The following NLRP14 variants were observed in gnomAD, a reference collection of about 807,000 sequenced individuals.
NLRP14 encodes the protein NACHT, LRR and PYD domains-containing protein 14.
NLRP14 carries 105 observed loss-of-function variants against 94.7 expected under a neutral mutation model. The observed-to-expected ratio is 1.11, with a 90% CI of 0.95 to 1.30. NLRP14 has a LOEUF of 1.30. Ranked by LOEUF, NLRP14 falls within the 50% of genes most tolerant of loss-of-function variation. NLRP14 has a pLI of 0.00. For synonymous variants in NLRP14, 508 were observed against 459.9 expected, an observed-to-expected ratio of 1.10 and a Z score of -1.34; for missense variants, 1,362 against 1,254.1, an observed-to-expected ratio of 1.09 and a Z score of -1.30.
chr11:7,088,571 T>C, the NLRP14 span, among the ~76,000 whole-genome samples: 5 of 152,112 alleles, frequency 3.3e-5, no homozygotes, highest in Non-Finnish European at 2.9e-5. Context: ...AAACAGAGGA[T>C]AGACGAGGCT....
intron 1 of NLRP14, among the ~76,000 whole-genome samples, chr11:7,025,553 C>A (rs1852002594): frequency 6.6e-6 from 1 of 152,080 alleles, no homozygotes; most frequent in African/African-American, 2.4e-5. Flanking sequence ...AATTATTAGT[C>A]ATTATGCTAA....
chr11:7,047,433 A>G (rs970836824), intron 5 of NLRP14, among the ~76,000 whole-genome samples: 3 of 151,820 alleles, frequency 2.0e-5, no homozygotes, highest in African/African-American at 7.3e-5. Context: ...CCTCCCAAGT[A>G]GCTGGGATTA....
intron 3 of NLRP14, among the ~76,000 whole-genome samples, chr11:7,040,333 G>A (rs2119606003): frequency 6.6e-6 from 1 of 152,308 alleles, no homozygotes; most frequent in African/African-American, 2.4e-5. Flanking sequence ...TTCGCCTCCT[G>A]TCAGATCAGC....
intron 1 of NLRP14, among the ~76,000 whole-genome samples, chr11:7,032,177 A>C (rs1767070905): frequency 6.6e-6 from 1 of 152,152 alleles, no homozygotes; most frequent in Non-Finnish European, 1.5e-5. Context: ...TCCTAAACTC[A>C]GTTGTGTTTT....
chr11:7,061,872 C>A (rs1426019242), intron 9 of NLRP14, among the ~76,000 whole-genome samples: 1 of 151,886 alleles, frequency 6.6e-6, no homozygotes, highest in Non-Finnish European at 1.5e-5. Flanking sequence ...AAGCTTGAGG[C>A]CAGATTGTGA....
At chr11:7,047,759 T>TC (rs1852378926) in intron 5 of NLRP14, among the ~76,000 whole-genome samples, 2 of 87,506 alleles carry the variant, frequency 2.3e-5, no homozygotes, top group Admixed American at 2.3e-4. Context: ...TTTCTCTTTC[T>TC]TTTCTTTTCT....
intron 5 of NLRP14, 63 bp downstream of exon 5, chr11:7,046,895 A>C: frequency 8.1e-7 from 1 of 1,235,448 alleles, no homozygotes; most frequent in Non-Finnish European, 1.2e-6. Context: ...CCCATCTTCC[A>C]CTCATACTCG....
In NLRP14 at chr11:7,049,199, T is replaced by C. The variant is rs975102643; in HGVS notation, c.2124-472T>C. On this transcript the variant is annotated intron_variant, in intron 5 of 11. Coordinates refer to ENST00000299481, the MANE Select transcript of NLRP14 (RefSeq NM_176822.4). Reference sequence around the variant, plus strand: ...ATTGGCAGATTTAACTTCATAATATTTTGCTTGGGCTGCCTCCGTACACCT... The same window carrying C: ...ATTGGCAGATTTAACTTCATAATATCTTGCTTGGGCTGCCTCCGTACACCT... Among the ~76,000 whole-genome samples the C allele has an allele frequency of 7.9e-5, 12 of 152,234 alleles. No homozygotes were observed. The South Asian group carries it at 2.5e-3, about 32-fold the overall frequency.
At chr11:7,090,027 G>A in the NLRP14 span, 1 of 1,612,954 alleles carries the variant, frequency 6.2e-7, no homozygotes, top group African/African-American at 1.3e-5. Flanking sequence ...GCCATCTTAC[G>A]GAGGAGGAGG....
chr11:7,049,691 C>T lies in NLRP14; in HGVS notation c.2144C>T (p.Pro715Leu), dbSNP rs1452051827. ...QKLLLKFITFPDGCQDISTSL... is the reference protein window; with the variant it reads ...QKLLLKFITFLDGCQDISTSL... ...TGAAGGTTGAAATTTATCACTTTCC[C>T]TGATGGTTGTCAGGATATCTCTACT... Residue 715 changes from proline to leucine, a missense_variant, in exon 6 of 12, where the codon CCT becomes CTT. Transcript: ENST00000299481. 1 of 1,612,764 alleles carries T rather than the reference C, an allele frequency of 6.2e-7. No homozygotes were observed. The highest frequency in any genetic ancestry group is 1.1e-5 in the South Asian group (1 of 91,046).
Position 7,062,320 on chromosome 11 carries a change from G to T in NLRP14, c.2805-13G>T. ...AATGGAAGGATTCACTTTTCCTATT[G>T]TAATTCTTACAGATTGATGGGCTGT... On this transcript the variant is annotated splice_polypyrimidine_tract_variant and intron_variant, in intron 9 of 11. Transcript: ENST00000299481. 6.2e-7 allele frequency: 1 copy of T among 1,609,260 alleles called. No homozygotes were observed. The highest frequency in any genetic ancestry group is 8.5e-7 in the Non-Finnish European group (1 of 1,175,968).
intron 7 of NLRP14, 128 bp downstream of exon 7, chr11:7,057,975 C>T: frequency 1.3e-6 from 1 of 784,618 alleles, no homozygotes; most frequent in Non-Finnish European, 2.3e-6. Context: ...TGAATAAGCT[C>T]TACATGCATC....
rs948854117 is a variant in NLRP14 at position 7,049,679 on chromosome 11, T to G, written c.2132T>G (p.Phe711Cys). ...ATATTTTTCTTCTGAAGGTTGAAAT[T>G]TATCACTTTCCCTGATGGTTGTCAG... ...NCKLQKLLLKFITFPDGCQDI... is the reference protein window; with the variant it reads ...NCKLQKLLLKCITFPDGCQDI... Residue 711 changes from phenylalanine (F) to cysteine (C), a missense_variant, in exon 6 of 12, where the codon TTT (phenylalanine) becomes TGT (cysteine). Transcript: ENST00000299481. 1 of 1,611,920 alleles carries G rather than the reference T, an allele frequency of 6.2e-7. No individual in the cohort carries two copies. The highest frequency in any genetic ancestry group is 1.7e-5 in the Admixed American group (1 of 59,996).
chr11:7,042,951 C>T lies in NLRP14; in HGVS notation c.925C>T (p.Leu309Phe). ...PEASLLVTTRLTTSKRLKQLL... is the reference protein window; with the variant it reads ...PEASLLVTTRFTTSKRLKQLL... ...GGCATCCTTATTGGTGACAACAAGA[C>T]TCACAACTTCTAAGAGACTAAAGCA... is the stretch of plus-strand genomic sequence containing the variant. The change falls in exon 4 of 12, where the codon CTC (leucine) becomes TTC (phenylalanine). Residue 309 changes from leucine to phenylalanine, a missense_variant. Physicochemically the swap from Leu to Phe is conservative, Grantham distance 22. Coordinates refer to ENST00000299481, the MANE Select transcript of NLRP14 (RefSeq NM_176822.4). 1.2e-6 allele frequency: 2 copies of T among 1,614,082 alleles called. No individual in the cohort carries two copies. Among genetic ancestry groups the T allele is most frequent in the East Asian group, 4.5e-5 (2 of 44,884 alleles).
chr11:7,051,640 A>G (rs1852442315), intron 6 of NLRP14, among the ~76,000 whole-genome samples: 2 of 152,182 alleles, frequency 1.3e-5, no homozygotes, highest in Admixed American at 6.5e-5. Context: ...TTTTTGAGAC[A>G]GAGTCTCGTT....
chr11:7,049,848 G>T lies in NLRP14; in HGVS notation c.2291+10G>T. ...AACTACAGACTCTCAGGTAAGCTTTGAATTGTTTTGTCTTGTTTTGTTTTT... is the reference window on the plus strand; with the variant it reads ...AACTACAGACTCTCAGGTAAGCTTTTAATTGTTTTGTCTTGTTTTGTTTTT... On this transcript the variant is annotated intron_variant, in intron 6 of 11. Transcript: ENST00000299481. 6.2e-7 allele frequency: 1 copy of T among 1,610,076 alleles called. No individual in the cohort carries two copies. Among genetic ancestry groups the T allele is most frequent in the South Asian group, 1.1e-5 (1 of 91,004 alleles).
At chr11:7,068,729 T>A (rs1423727034) in intron 10 of NLRP14, among the ~76,000 whole-genome samples, 1 of 152,224 alleles carries the variant, frequency 6.6e-6, no homozygotes, top group Admixed American at 6.5e-5. Flanking sequence ...TGATCATAGC[T>A]CACTGTAGAC....
At chr11:7,065,412 A>G (rs911155902) in intron 10 of NLRP14, among the ~76,000 whole-genome samples, 2 of 152,130 alleles carry the variant, frequency 1.3e-5, no homozygotes, top group East Asian at 3.9e-4. Flanking sequence ...ATAGCCTGCC[A>G]CATTCTCTTG....
At chr11:7,079,026 C>T in the NLRP14 span, among the ~76,000 whole-genome samples, 1 of 152,158 alleles carries the variant, frequency 6.6e-6, no homozygotes, top group Non-Finnish European at 1.5e-5. Flanking sequence ...GAAAGAGTCT[C>T]ATATAATTGT....
Sources: allele counts gnomAD v4.1 joint callset (sites outside exome capture counted in the v4.1 genomes callset), GRCh38; gene constraint gnomAD v4.1.1; transcripts MANE v1.5; gene names NCBI Gene and HGNC (gene_info 2026-07-23, HGNC 2026-07-21).